ARHGAP35: variants seen among roughly 807,000 people sequenced by gnomAD.
ARHGAP35 encodes the protein rho GTPase-activating protein 35.
Under a neutral mutation model 111.1 loss-of-function variants are expected in ARHGAP35, and 15 were observed. The ratio of observed to expected loss-of-function variants is 0.13; its 90% CI spans 0.09 to 0.21. ARHGAP35 has a LOEUF of 0.21. Ranked by LOEUF, ARHGAP35 falls within the 10% of genes least tolerant of loss-of-function variation. The pLI, the probability that ARHGAP35 is intolerant of heterozygous loss-of-function variation, is 1.00. For synonymous variants in ARHGAP35, 643 were observed against 710.3 expected (o/e 0.91, Z 1.51); for missense variants, 1,262 against 1,873.0 (o/e 0.67, Z 6.02).
At chr19:46,915,982 C>T (rs780394973) in intron 1 of ARHGAP35, among the ~76,000 whole-genome samples, 2 of 140,104 alleles carry the variant, frequency 1.4e-5, no homozygotes, top group Non-Finnish European at 3.0e-5. Context: ...GTCGCACAGG[C>T]TGGAGTGCAG....
At chr19:46,884,128 T>G (rs955685030) in intron 1 of ARHGAP35, among the ~76,000 whole-genome samples, 1 of 152,126 alleles carries the variant, frequency 6.6e-6, no homozygotes, top group Non-Finnish European at 1.5e-5. Context: ...AAAAGAAAAA[T>G]TATTCCCACC....
chr19:46,915,140 A>T (rs2056156476), intron 1 of ARHGAP35, among the ~76,000 whole-genome samples: 1 of 152,228 alleles, frequency 6.6e-6, no homozygotes, highest in Admixed American at 6.5e-5. Context: ...TTGTGTACAG[A>T]TGCTTCCTTT....
chr19:47,000,182 A>G lies in ARHGAP35; in HGVS notation c.4143-149A>G. 2.4e-6 allele frequency: 2 copies of G among 819,282 alleles called. No homozygotes were observed. Among genetic ancestry groups the G allele is most frequent in the South Asian group, 3.5e-5 (2 of 56,768 alleles). The allele number at this position is 819,282 out of a possible 1,614,324, so 50.8% of individuals were successfully genotyped here. On this transcript the variant is annotated intron_variant, in intron 6 of 6. Transcript: ENST00000672722. This position sits in a 1 kb window ranked among gnomAD's most constrained non-coding sequence, Gnocchi z 6.9. Reference sequence around the variant, plus strand: ...ACACTGAGGGCGCAGCCTCCCAGGCAGGGCAGGGTACAGAGAGCTGCGCAT... The same window carrying G: ...ACACTGAGGGCGCAGCCTCCCAGGCGGGGCAGGGTACAGAGAGCTGCGCAT...
chr19:46,921,606 C>T lies in ARHGAP35; in HGVS notation c.2931C>T (p.Leu977=). ...VFNSPRAGSP[L]CNSNLQDSEE... is the part of the protein sequence containing the mutation. Reference sequence around the variant, plus strand: ...ACTCCCCCCGGGCAGGATCACCGCTCTGCAACTCAAACCTGCAGGATTCAG... The same window carrying T: ...ACTCCCCCCGGGCAGGATCACCGCTTTGCAACTCAAACCTGCAGGATTCAG... Residue 977 remains leucine, a synonymous_variant, in exon 2 of 7, where the codon CTC becomes CTT. Transcript: ENST00000672722. This position sits in a 1 kb window ranked among gnomAD's most constrained non-coding sequence, Gnocchi z 4.3. The T allele has an allele frequency of 1.2e-6, 2 of 1,613,998 alleles. No individual in the cohort carries two copies. The highest frequency in any genetic ancestry group is 1.7e-6 in the Non-Finnish European group (2 of 1,179,894).
intron 3 of ARHGAP35, chr19:46,948,781 C>G (rs2056395360): frequency 6.6e-6 from 1 of 152,142 alleles, no homozygotes; most frequent in Non-Finnish European, 1.5e-5. Flanking sequence ...GAATCGATTG[C>G]AAAGAGACAA....
intron 1 of ARHGAP35, among the ~76,000 whole-genome samples, chr19:46,876,122 T>C (rs1040526944): frequency 6.6e-6 from 1 of 152,056 alleles, no homozygotes; most frequent in Non-Finnish European, 1.5e-5. Context: ...TGTTTACTCA[T>C]AGGGTAACTG....
intron 3 of ARHGAP35, among the ~76,000 whole-genome samples, chr19:46,942,808 C>A (rs1467433885): frequency 1.4e-5 from 2 of 138,872 alleles, no homozygotes; most frequent in Non-Finnish European, 3.1e-5. Context: ...AGAGCAAGAC[C>A]CTGTCTCAGA....
intron 3 of ARHGAP35, among the ~76,000 whole-genome samples, chr19:46,953,452 G>T (rs1229225471): frequency 6.6e-6 from 1 of 152,114 alleles, no homozygotes; most frequent in African/African-American, 2.4e-5. Context: ...GGACATTCCT[G>T]GGAAAGAGCT....
chr19:46,924,407 T>C (rs2056226865), intron 2 of ARHGAP35, among the ~76,000 whole-genome samples: 1 of 152,192 alleles, frequency 6.6e-6, no homozygotes, highest in Non-Finnish European at 1.5e-5. Context: ...GACCAGGAGC[T>C]TCCAGAGTTT....
chr19:46,890,913 G>A (rs1472027148), intron 1 of ARHGAP35, among the ~76,000 whole-genome samples: 1 of 152,206 alleles, frequency 6.6e-6, no homozygotes, highest in Non-Finnish European at 1.5e-5. Flanking sequence ...TGGACCCTTG[G>A]ACTGGACTGT....
intron 1 of ARHGAP35, among the ~76,000 whole-genome samples, chr19:46,905,308 A>G (rs920606917): frequency 6.6e-6 from 1 of 152,016 alleles, no homozygotes; most frequent in Non-Finnish European, 1.5e-5. Context: ...CGGGTGGATC[A>G]GGAGATCGAG....
At chr19:46,996,397 C>T (rs1298524601) in intron 5 of ARHGAP35, among the ~76,000 whole-genome samples, 11 of 152,274 alleles carry the variant, frequency 7.2e-5, no homozygotes, top group African/African-American at 2.4e-4. Flanking sequence ...CCACCGCGCC[C>T]GGCCCCTAAA....
chr19:46,997,982 A>G (rs1190544951), intron 5 of ARHGAP35, among the ~76,000 whole-genome samples: 2 of 151,986 alleles, frequency 1.3e-5, no homozygotes, highest in Non-Finnish European at 2.9e-5. Flanking sequence ...GGCACCTGTA[A>G]TCCCAGCTAC....
rs558465424 is a variant in ARHGAP35 at position 46,959,559 on chromosome 19, C to G, written c.3826+22151C>G. Among the ~76,000 whole-genome samples, 3 of 151,664 alleles carry G rather than the reference C, an allele frequency of 2.0e-5. No homozygotes were observed. In the East Asian group the frequency reaches 5.8e-4, roughly 30 times the overall value. On this transcript the variant is annotated intron_variant, in intron 3 of 6. Transcript: ENST00000672722. Reference sequence around the variant, plus strand: ...GGATTACAGGCACCCGCTACTACGCCCAGCTGATTTTTGTATTTTTAGTAA... The same window carrying G: ...GGATTACAGGCACCCGCTACTACGCGCAGCTGATTTTTGTATTTTTAGTAA...
rs928677981 is a variant in ARHGAP35, at chr19:46,929,632, C to T, written c.3681+7276C>T. 1.0e-4 allele frequency among the ~76,000 whole-genome samples: 14 copies of T among 133,576 alleles called. No individual in the cohort carries two copies. The East Asian group carries it at 2.7e-3, about 26-fold the overall frequency. The allele number at this position is 133,576 out of a possible 152,430, so 87.6% of individuals were successfully genotyped here. On this transcript the variant is annotated intron_variant, in intron 2 of 6. Transcript: ENST00000672722. The stretch of plus-strand genomic sequence containing the variant: ...TTTTTTTTTTTACATAAAACATTAA[C>T]GCCGGGCACAGTGGCTCACACCTGT...
At position 46,988,266 on chromosome 19, in the gene ARHGAP35, ATCCCTGCCCAAGCT is replaced by A; in HGVS notation, c.3904+201_3904+214del. 3.6e-6 allele frequency: 2 copies of A among 559,572 alleles called. No individual in the cohort carries two copies. The highest frequency in any genetic ancestry group is 3.2e-6 in the Non-Finnish European group (1 of 310,794). 34.7% of individuals were successfully genotyped at this position (559,572 alleles called of 1,614,324 possible). On this transcript the variant is annotated intron_variant, in intron 4 of 6. Transcript: ENST00000672722. The surrounding 1 kb of genome is among the most constrained non-coding windows in gnomAD (Gnocchi z 5.4). ...GGTCCTGTCAGTGAACCGAAGCACC[ATCCCTGCCCAAGCT>A]GGGTCATGTAGGCCACTCCCCACAC...
At chr19:46,891,672 G>A (rs1198782526) in intron 1 of ARHGAP35, among the ~76,000 whole-genome samples, 1 of 151,982 alleles carries the variant, frequency 6.6e-6, no homozygotes, top group Non-Finnish European at 1.5e-5. Context: ...TGATCTGCCC[G>A]CCTGAGCCTC....
chr19:47,001,924 T>A lies in ARHGAP35; in HGVS notation c.*1236T>A, dbSNP rs1263992924. On this transcript the variant is annotated 3_prime_UTR_variant, in exon 7 of 7. Transcript: ENST00000672722. This position sits in a 1 kb window ranked among gnomAD's most constrained non-coding sequence, Gnocchi z 5.4. ...GGGATGTGGGCGAGGTGGGGCACTT[T>A]GAAGGAATGGCGGTCTGCTGGTGCC... 6.4e-6 allele frequency: 1 copy of A among 156,052 alleles called. No homozygotes were observed. The highest frequency in any genetic ancestry group is 1.4e-5 in the Non-Finnish European group (1 of 70,692). The allele number at this position is 156,052 out of a possible 1,614,324, so 9.7% of individuals were successfully genotyped here.
chr19:46,954,989 G>A (rs765235935), intron 3 of ARHGAP35, among the ~76,000 whole-genome samples: 1 of 152,216 alleles, frequency 6.6e-6, no homozygotes, highest in Non-Finnish European at 1.5e-5. Context: ...AACCCATGAA[G>A]CCAGTGAAGG....
Sources: gnomAD v4.1 joint callset for allele counts (sites outside exome capture counted in the v4.1 genomes callset) on GRCh38, gnomAD v4.1.1 for gene constraint, Gnocchi (gnomAD v3.1) non-coding constraint, MANE v1.5 for transcripts, NCBI Gene and HGNC (gene_info 2026-07-23, HGNC 2026-07-21) for gene names.